Variants in SYT14 observed in about 807,000 individuals in gnomAD.
SYT14 encodes synaptotagmin 14, also known as synaptotagmin-14.
In SYT14, 32 loss-of-function variants were observed where a neutral mutation model predicts 74.2. That is an observed-to-expected ratio of 0.43 (90% CI 0.33 to 0.58). SYT14 has a LOEUF of 0.58. Among genes scored for constraint, SYT14 ranks in the 20% least tolerant of loss-of-function variants. SYT14 has a pLI of 0.05. For missense variants in SYT14, 791 were observed against 981.8 expected (o/e 0.81, Z 2.60); for synonymous variants, 298 against 337.7 (o/e 0.88, Z 1.29).
At chr1:209,993,782 ACTG>A (rs2079736609) in intron 2 of SYT14, among the ~76,000 whole-genome samples, 1 of 151,926 alleles carries the variant, frequency 6.6e-6, no homozygotes, top group Non-Finnish European at 1.5e-5. Context: ...TGACTTCCCC[ACTG>A]CAGTGCACAC....
chr1:210,167,712 A>G (rs762194554), exon 10 of SYT14: 2 of 152,164 alleles, frequency 1.3e-5, no homozygotes, highest in Non-Finnish European at 2.9e-5. Context: ...TCTGGTTAAT[A>G]TAATCTTAAG....
chr1:209,975,687 A>C (rs1030449253), intron 2 of SYT14, among the ~76,000 whole-genome samples: 2 of 152,196 alleles, frequency 1.3e-5, no homozygotes, highest in Non-Finnish European at 1.5e-5. Flanking sequence ...TGTCTCTGCC[A>C]GGCTTTGGTA....
chr1:210,016,752 A>T (rs990007440), exon 4 of SYT14: 1 of 1,231,780 alleles, frequency 8.1e-7, no homozygotes, highest in African/African-American at 1.6e-5. Context: ...AAATGTAAAC[A>T]TCTTCCCGAT....
chr1:209,959,939 C>T (rs1028038205), intron 2 of SYT14, among the ~76,000 whole-genome samples: 2 of 151,980 alleles, frequency 1.3e-5, no homozygotes, highest in South Asian at 2.1e-4. Context: ...ATAAAAAAAG[C>T]GTCTGCTTAC....
At chr1:210,127,018 G>A (rs1421453643) in intron 7 of SYT14, among the ~76,000 whole-genome samples, 1 of 152,150 alleles carries the variant, frequency 6.6e-6, no homozygotes, top group African/African-American at 2.4e-5. Context: ...TGTTGAGTGG[G>A]CAGGGGCTTG....
intron 5 of SYT14, among the ~76,000 whole-genome samples, chr1:210,034,652 A>T (rs924138563): frequency 1.3e-4 from 19 of 151,558 alleles, no homozygotes; most frequent in Admixed American, 1.1e-3. Context: ...TCCAATTTCT[A>T]TGTTCAGTTT....
intron 2 of SYT14, among the ~76,000 whole-genome samples, chr1:209,996,281 T>A (rs1382710070): frequency 6.6e-6 from 1 of 151,926 alleles, no homozygotes; most frequent in Non-Finnish European, 1.5e-5. Context: ...GTATAACTGA[T>A]CCCACAGTAA....
chr1:210,135,763 C>T (rs1224359172), intron 7 of SYT14, among the ~76,000 whole-genome samples: 1 of 152,104 alleles, frequency 6.6e-6, no homozygotes, highest in African/African-American at 2.4e-5. Flanking sequence ...ACATTTTGAT[C>T]CTTTTGAGGC....
At position 210,161,382 on chromosome 1, in the gene SYT14, TA is replaced by T. The variant is rs147142307; in HGVS notation, c.*345del. The T allele has an allele frequency of 3.3e-3, 1,509 of 460,940 alleles. 18 individuals are homozygous for T. Among genetic ancestry groups the T allele is most frequent in the African/African-American group, 0.028 (1,376 of 50,012 alleles). The allele number at this position is 460,940 out of a possible 1,614,324, so 28.6% of individuals were successfully genotyped here. Reference sequence around the variant, plus strand: ...GAAAAATCAAAATTATAAGTGATTTTAAAAACCAGAATTTTAGTTGCAATAC... The same window carrying T: ...GAAAAATCAAAATTATAAGTGATTTTAAAACCAGAATTTTAGTTGCAATAC... On this transcript the variant is annotated 3_prime_UTR_variant, in exon 10 of 10. Coordinates refer to ENST00000637265, the Ensembl canonical transcript of SYT14.
chr1:210,074,130 A>G (rs1013235004), intron 5 of SYT14, among the ~76,000 whole-genome samples: 1 of 152,190 alleles, frequency 6.6e-6, no homozygotes, highest in African/African-American at 2.4e-5. Flanking sequence ...ATCCTTTCTG[A>G]GCCTCACCTA....
At chr1:210,006,153 G>A (rs1327154221) in intron 2 of SYT14, among the ~76,000 whole-genome samples, 1 of 151,782 alleles carries the variant, frequency 6.6e-6, no homozygotes, top group Non-Finnish European at 1.5e-5. Flanking sequence ...CCAGTGAATT[G>A]TGTTACTTCT....
chr1:209,980,855 T>C (rs1426475592), intron 2 of SYT14, among the ~76,000 whole-genome samples: 3 of 152,216 alleles, frequency 2.0e-5, no homozygotes, highest in African/African-American at 7.2e-5. Context: ...TGTAACCTTG[T>C]GGTATGGTTT....
intron 7 of SYT14, among the ~76,000 whole-genome samples, chr1:210,153,588 A>G (rs1355208658): frequency 6.6e-6 from 1 of 152,164 alleles, no homozygotes; most frequent in Non-Finnish European, 1.5e-5. Flanking sequence ...TCTGATATAT[A>G]GTAATGTATG....
At chr1:210,159,808 C>T (rs1010388597) in intron 9 of SYT14, among the ~76,000 whole-genome samples, 3 of 152,076 alleles carry the variant, frequency 2.0e-5, no homozygotes, top group African/African-American at 7.2e-5. Context: ...ATGAAGTACA[C>T]ATGATGGATC....
At chr1:210,022,701 G>A (rs186487583) in intron 5 of SYT14, among the ~76,000 whole-genome samples, 159 of 152,320 alleles carry the variant, frequency 1.0e-3, no homozygotes, top group African/African-American at 3.6e-3. Flanking sequence ...ATGTGGTACA[G>A]TTTTTAGCAT....
chr1:210,120,649 C>T (rs141134039), intron 7 of SYT14, among the ~76,000 whole-genome samples: 1,907 of 152,216 alleles, frequency 0.013, 17 homozygotes, highest in Non-Finnish European at 0.022. Flanking sequence ...CCCACAATGA[C>T]AAAATTGCCA....
At chr1:210,096,942 T>C (rs188295589) in intron 6 of SYT14, among the ~76,000 whole-genome samples, 1 of 152,350 alleles carries the variant, frequency 6.6e-6, no homozygotes, top group African/African-American at 2.4e-5. Flanking sequence ...CACAAGCTGC[T>C]TCTTTACTCA....
chr1:210,105,421 T>C (rs1204369327), intron 7 of SYT14, among the ~76,000 whole-genome samples: 1 of 152,172 alleles, frequency 6.6e-6, no homozygotes, highest in Admixed American at 6.5e-5. Flanking sequence ...TATGGAAGCA[T>C]GTGTGGAAAT....
intron 5 of SYT14, among the ~76,000 whole-genome samples, chr1:210,090,645 AG>A (rs1233446413): frequency 6.6e-6 from 1 of 152,216 alleles, no homozygotes; most frequent in Non-Finnish European, 1.5e-5. Context: ...GTAATAAAGC[AG>A]GAACTAAAGT....
Sources: allele counts gnomAD v4.1 joint callset (sites outside exome capture counted in the v4.1 genomes callset), GRCh38; gene constraint gnomAD v4.1.1; transcripts MANE v1.5; gene names NCBI Gene and HGNC (gene_info 2026-07-23, HGNC 2026-07-21).